CHLSN: variants seen among roughly 807,000 people sequenced by gnomAD.
CHLSN encodes cholesin.
chr7:1,101,773 G>A, the CHLSN span, among the ~76,000 whole-genome samples: 10 of 152,340 alleles, frequency 6.6e-5, no homozygotes, highest in African/African-American at 1.4e-4. Flanking sequence ...ATGAGGGGCC[G>A]GCCGCAGGCC....
the CHLSN span, chr7:997,447 G>A: frequency 1.6e-5 from 9 of 556,450 alleles, no homozygotes; most frequent in Admixed American, 1.5e-4. Context: ...GAGGAGGGAA[G>A]GGGCCCTTGC....
chr7:1,093,608 G>A, the CHLSN span: 5 of 471,122 alleles, frequency 1.1e-5, no homozygotes, highest in African/African-American at 1.0e-4. Flanking sequence ...CATGTGGACT[G>A]GGACCGTGCG....
the CHLSN span, among the ~76,000 whole-genome samples, chr7:1,033,868 G>A: frequency 6.6e-6 from 1 of 152,236 alleles, no homozygotes; most frequent in Admixed American, 6.5e-5. Flanking sequence ...TGAGTGAGGT[G>A]AGGCACATCT....
chr7:1,118,660 T>C, the CHLSN span, among the ~76,000 whole-genome samples: 1 of 151,900 alleles, frequency 6.6e-6, no homozygotes, highest in Non-Finnish European at 1.5e-5. Context: ...AAAAAAACAA[T>C]GAAGAAAGAG....
At chr7:1,006,425 G>A in the CHLSN span, among the ~76,000 whole-genome samples, 20 of 150,706 alleles carry the variant, frequency 1.3e-4, no homozygotes, top group African/African-American at 4.7e-4. Flanking sequence ...AAGAGCGCAC[G>A]ACGGCCACAG....
At chr7:1,092,410 G>T in the CHLSN span, 1 of 1,607,242 alleles carries the variant, frequency 6.2e-7, no homozygotes. Flanking sequence ...CGTGCCCTTC[G>T]CCATCATCGG....
chr7:1,035,751 A>G, the CHLSN span, among the ~76,000 whole-genome samples: 1 of 152,194 alleles, frequency 6.6e-6, no homozygotes, highest in Non-Finnish European at 1.5e-5. Flanking sequence ...AAAGTTGGCA[A>G]AATCCTGCCA....
the CHLSN span, among the ~76,000 whole-genome samples, chr7:1,120,852 T>C: frequency 6.8e-6 from 1 of 147,156 alleles, no homozygotes; most frequent in Non-Finnish European, 1.5e-5. Context: ...CCATGGACTA[T>C]TACTCAGTCC....
the CHLSN span, among the ~76,000 whole-genome samples, chr7:984,743 G>A: frequency 6.6e-6 from 1 of 152,236 alleles, no homozygotes; most frequent in East Asian, 1.9e-4. Context: ...CCACACAGCA[G>A]GTCAGGTGCT....
At chr7:1,004,061 T>C in the CHLSN span, among the ~76,000 whole-genome samples, 1 of 151,866 alleles carries the variant, frequency 6.6e-6, no homozygotes, top group African/African-American at 2.4e-5. Flanking sequence ...GCTGTGCAGC[T>C]GCTAGGTGAC....
chr7:1,120,599 T>C, the CHLSN span, among the ~76,000 whole-genome samples: 1 of 152,182 alleles, frequency 6.6e-6, no homozygotes, highest in Non-Finnish European at 1.5e-5. Flanking sequence ...GGCCAGCAGC[T>C]TCTCAAAAAA....
chr7:1,136,493 CATATAAATAT>C, the CHLSN span, among the ~76,000 whole-genome samples: 2 of 100,158 alleles, frequency 2.0e-5, no homozygotes, highest in Non-Finnish European at 3.6e-5. Flanking sequence ...CATATATAAA[CATATAAATAT>C]ATATAAACAT....
the CHLSN span, chr7:1,091,479 G>A: frequency 1.5e-5 from 7 of 478,310 alleles, no homozygotes; most frequent in Middle Eastern, 5.3e-4. Flanking sequence ...CCCGCCGGAC[G>A]AGCACGCGGA....
At chr7:1,072,501 A>G in the CHLSN span, among the ~76,000 whole-genome samples, 1 of 152,120 alleles carries the variant, frequency 6.6e-6, no homozygotes, top group Admixed American at 6.5e-5. Context: ...ATGATTAAAC[A>G]CATTTCATAA....
the CHLSN span, among the ~76,000 whole-genome samples, chr7:1,052,250 G>A: frequency 1.3e-5 from 2 of 152,260 alleles, no homozygotes; most frequent in African/African-American, 2.4e-5. This position sits in a 1 kb window ranked among gnomAD's most constrained non-coding sequence, Gnocchi z 4.2. Flanking sequence ...GCGTCGAGGC[G>A]TGCCCTCCTG....
At chr7:1,106,869 A>C in the CHLSN span, among the ~76,000 whole-genome samples, 1 of 152,188 alleles carries the variant, frequency 6.6e-6, no homozygotes, top group Non-Finnish European at 1.5e-5. Flanking sequence ...AGGTGAACAC[A>C]CAAAGAGGAA....
chr7:1,051,070 C>T, the CHLSN span, among the ~76,000 whole-genome samples: 1 of 152,188 alleles, frequency 6.6e-6, no homozygotes, highest in Non-Finnish European at 1.5e-5. Context: ...CAGAGGCCAC[C>T]CCTGCGTCGC....
chr7:1,042,609 G>C, the CHLSN span, among the ~76,000 whole-genome samples: 1 of 152,210 alleles, frequency 6.6e-6, no homozygotes, highest in Non-Finnish European at 1.5e-5. Context: ...TGGCCTGCTT[G>C]GCACAGGAAG....
chr7:1,091,486 C>T, the CHLSN span: 21 of 497,422 alleles, frequency 4.2e-5, no homozygotes, highest in Non-Finnish European at 6.4e-5. Context: ...GACGAGCACG[C>T]GGAGGGCCCT....
Sources: allele counts gnomAD v4.1 joint callset (sites outside exome capture counted in the v4.1 genomes callset), GRCh38; gene constraint gnomAD v4.1.1; non-coding constraint Gnocchi (gnomAD v3.1); transcripts MANE v1.5; gene names NCBI Gene and HGNC (gene_info 2026-07-23, HGNC 2026-07-21).